B3GALT1: variants seen among roughly 807,000 people sequenced by gnomAD.
The protein encoded by B3GALT1 is UDP-Gal:betaGlcNAc beta 1,3-galactosyltransferase, polypeptide 1.
In B3GALT1, 10 loss-of-function variants were observed where a neutral mutation model predicts 23.2. That is an observed-to-expected ratio of 0.43 (90% CI 0.27 to 0.73). B3GALT1 has a LOEUF of 0.73. Among genes scored for constraint, B3GALT1 ranks in the 30% least tolerant of loss-of-function variants. The pLI, the probability that B3GALT1 is intolerant of heterozygous loss-of-function variation, is 0.21. For missense variants in B3GALT1, 299 were observed against 405.4 expected (o/e 0.74, Z 2.25); for synonymous variants, 156 against 141.5 (o/e 1.10, Z -0.73).
At position 167,848,967 on chromosome 2, in the gene B3GALT1, C is replaced by T. The variant is rs528840993; in HGVS notation, c.-229-19844C>T. 2.6e-5 allele frequency among the ~76,000 whole-genome samples: 4 copies of T among 152,228 alleles called. No homozygotes were observed. In the South Asian group the frequency reaches 8.3e-4, roughly 32 times the overall value. The stretch of plus-strand genomic sequence containing the variant: ...CAAGTGGAGAATCAAATCAAGAACT[C>T]AACCCCTTTACAATAGCTGCAAAAA... On this transcript the variant is annotated intron_variant, in intron 4 of 4. Transcript: ENST00000392690.
intron 1 of B3GALT1, among the ~76,000 whole-genome samples, chr2:167,369,841 G>A (rs190628935): frequency 1.3e-5 from 2 of 152,228 alleles, no homozygotes; most frequent in East Asian, 3.9e-4. Context: ...GAACTAAAGA[G>A]CAAAGTAAAA....
intron 3 of B3GALT1, among the ~76,000 whole-genome samples, chr2:167,810,456 G>A (rs1473588192): frequency 6.6e-6 from 1 of 150,960 alleles, no homozygotes; most frequent in African/African-American, 2.5e-5. Flanking sequence ...AAAGAGAAAA[G>A]TGAACAGATT....
At chr2:167,649,045 A>C (rs1048884748) in intron 3 of B3GALT1, among the ~76,000 whole-genome samples, 2 of 152,120 alleles carry the variant, frequency 1.3e-5, no homozygotes, top group African/African-American at 4.8e-5. Flanking sequence ...GACCATAGTA[A>C]GAGCAAATAA....
chr2:167,359,179 A>G (rs1286224100), intron 1 of B3GALT1, among the ~76,000 whole-genome samples: 1 of 152,232 alleles, frequency 6.6e-6, no homozygotes, highest in Non-Finnish European at 1.5e-5. Context: ...TGTTAAAAAT[A>G]TCCTTGTAAA....
chr2:167,810,137 AC>A, intron 3 of B3GALT1, among the ~76,000 whole-genome samples: 1 of 151,132 alleles, frequency 6.6e-6, no homozygotes, highest in Middle Eastern at 3.4e-3. Context: ...TTGGAAAAGG[AC>A]AGTATTAGGA....
chr2:167,544,326 A>G (rs1683589040), intron 2 of B3GALT1, among the ~76,000 whole-genome samples: 1 of 152,122 alleles, frequency 6.6e-6, no homozygotes, highest in Non-Finnish European at 1.5e-5. Context: ...ACAGAGTCTC[A>G]ATCTGTTGCC....
At chr2:167,598,608 T>C (rs543589497) in intron 2 of B3GALT1, among the ~76,000 whole-genome samples, 1 of 152,326 alleles carries the variant, frequency 6.6e-6, no homozygotes, top group South Asian at 2.1e-4. Context: ...ATTAACTTAG[T>C]TGACCCTGAA....
At chr2:167,423,519 T>C (rs1698578831) in intron 1 of B3GALT1, among the ~76,000 whole-genome samples, 1 of 152,160 alleles carries the variant, frequency 6.6e-6, no homozygotes, top group Non-Finnish European at 1.5e-5. Flanking sequence ...ATTAGTACTA[T>C]ATTTTAAAAT....
intron 2 of B3GALT1, among the ~76,000 whole-genome samples, chr2:167,605,757 C>T (rs1398036422): frequency 6.6e-6 from 1 of 152,102 alleles, no homozygotes; most frequent in Non-Finnish European, 1.5e-5. Context: ...CTGGTAGGTA[C>T]TTTATATCTT....
chr2:167,865,920 G>T (rs1690207438), intron 4 of B3GALT1, among the ~76,000 whole-genome samples: 1 of 152,150 alleles, frequency 6.6e-6, no homozygotes, highest in South Asian at 2.1e-4. Flanking sequence ...GCTCAGGACG[G>T]TGTCTGAGAA....
intron 1 of B3GALT1, among the ~76,000 whole-genome samples, chr2:167,484,843 C>T (rs1014787459): frequency 1.3e-5 from 2 of 152,068 alleles, no homozygotes; most frequent in Non-Finnish European, 2.9e-5. Flanking sequence ...ACAACTTTGC[C>T]GTGGCCATTT....
rs761536048 is a variant in B3GALT1, at chr2:167,512,578, ATG to A, written c.-410+22303_-410+22304del. On this transcript the variant is annotated intron_variant, in intron 2 of 4. Coordinates refer to ENST00000392690, the MANE Select transcript of B3GALT1 (RefSeq NM_020981.4). ...TATGTATATATATATGTATATATAT[ATG>A]TATATATATATGTGTATATATATAT... 2.2e-4 allele frequency among the ~76,000 whole-genome samples: 20 copies of A among 92,342 alleles called. 1 individual carries two copies. In the South Asian group the frequency reaches 2.2e-3, roughly 10 times the overall value. The allele number at this position is 92,342 out of a possible 152,430, so 60.6% of individuals were successfully genotyped here. A position where few individuals can be genotyped will look rare whatever the true frequency, so the allele number is the denominator to read the frequency against.
chr2:167,512,597 T>TATATATATAC (rs1700034304), intron 2 of B3GALT1, among the ~76,000 whole-genome samples: 4 of 60,316 alleles, frequency 6.6e-5, no homozygotes, highest in African/African-American at 3.5e-4. Context: ...TATATGTGTA[T>TATATATATAC]ATATATATAT....
chr2:167,621,059 TG>T (rs773753709), intron 2 of B3GALT1, among the ~76,000 whole-genome samples: 3 of 150,810 alleles, frequency 2.0e-5, no homozygotes, highest in Non-Finnish European at 4.4e-5. Flanking sequence ...GGGATATTTA[TG>T]AAGTTCCCAT....
At chr2:167,423,405 A>C (rs1698576292) in intron 1 of B3GALT1, among the ~76,000 whole-genome samples, 1 of 152,200 alleles carries the variant, frequency 6.6e-6, no homozygotes, top group Admixed American at 6.5e-5. Context: ...ATTGTTTGAA[A>C]GGGCCTTGGT....
In B3GALT1 at chr2:167,870,703, T is replaced by G. The variant is rs1690328447; in HGVS notation, c.*683T>G. 6.1e-6 allele frequency: 1 copy of G among 162,614 alleles called. No individual in the cohort carries two copies. The allele number at this position is 162,614 out of a possible 1,614,324, so 10.1% of individuals were successfully genotyped here. On this transcript the variant is annotated 3_prime_UTR_variant, in exon 5 of 5. Transcript: ENST00000392690. ...CTACTTAACAAAGTAAACAAAAGAT[T>G]TTTTTTTTCTTTTTTTTTCTTTCTT...
intron 2 of B3GALT1, among the ~76,000 whole-genome samples, chr2:167,547,170 T>C (rs1227136): frequency 0.06 from 9,141 of 152,232 alleles, 488 homozygotes; most frequent in East Asian, 0.18. Context: ...CTGTTGCTGC[T>C]GCTACTACTA....
At chr2:167,390,368 CT>C (rs1435083880) in intron 1 of B3GALT1, among the ~76,000 whole-genome samples, 1 of 152,144 alleles carries the variant, frequency 6.6e-6, no homozygotes, top group African/African-American at 2.4e-5. Context: ...AAAGAATTTA[CT>C]TTTCTCCTCC....
intron 3 of B3GALT1, among the ~76,000 whole-genome samples, chr2:167,709,877 G>T (rs1672325373): frequency 6.6e-6 from 1 of 151,664 alleles, no homozygotes; most frequent in Admixed American, 6.6e-5. Context: ...ACTTCTTCTT[G>T]TGAGGATTAA....
Sources: gnomAD v4.1 joint callset for allele counts (sites outside exome capture counted in the v4.1 genomes callset) on GRCh38, gnomAD v4.1.1 for gene constraint, MANE v1.5 for transcripts, NCBI Gene and HGNC (gene_info 2026-07-23, HGNC 2026-07-21) for gene names.